NRCAM: variants seen among roughly 807,000 people sequenced by gnomAD.
NRCAM encodes the protein NgCAM-related cell adhesion molecule.
In NRCAM, 83 loss-of-function variants were observed where a neutral mutation model predicts 156.5. The observed-to-expected ratio is 0.53, with a 90% CI of 0.44 to 0.64. The LOEUF (loss-of-function observed/expected upper bound fraction) is 0.64, where lower values mean the gene tolerates loss of function less well. NRCAM is among the 30% of genes least tolerant of loss of function. The pLI is 0.00. For missense variants in NRCAM, 1,417 were observed against 1,597.3 expected (o/e 0.89, Z 1.92); for synonymous variants, 538 against 563.9 (o/e 0.95, Z 0.65).
chr7:108,180,039 T>C (rs2062644425), intron 25 of NRCAM, among the ~76,000 whole-genome samples, 184 bp downstream of exon 25: 1 of 152,354 alleles, frequency 6.6e-6, no homozygotes, highest in South Asian at 2.1e-4. Context: ...AAGCCTTCTA[T>C]GTACACTTAG....
At chr7:108,291,650 T>C (rs918985805) in intron 3 of NRCAM, among the ~76,000 whole-genome samples, 3 of 152,046 alleles carry the variant, frequency 2.0e-5, no homozygotes, top group Admixed American at 6.6e-5. Context: ...CTGAAACTAA[T>C]ATATCACCAC....
chr7:108,222,717 A>G (rs2153684515), intron 11 of NRCAM, among the ~76,000 whole-genome samples: 1 of 152,258 alleles, frequency 6.6e-6, no homozygotes, highest in South Asian at 2.1e-4. Flanking sequence ...TCCTGGATTC[A>G]GGAAGGAATG....
chr7:108,189,809 C>A, intron 19 of NRCAM, 63 bp from the exon 20 acceptor site: 1 of 708,282 alleles, frequency 1.4e-6, no homozygotes, highest in Non-Finnish European at 2.5e-6. Flanking sequence ...CTCCTTTACT[C>A]GTGATACTAT....
intron 3 of NRCAM, among the ~76,000 whole-genome samples, chr7:108,261,692 C>G (rs748452530): frequency 3.0e-4 from 45 of 152,170 alleles, no homozygotes; most frequent in Non-Finnish European, 5.9e-4. Flanking sequence ...CTGTAGACAC[C>G]TGTTTTCCTG....
intron 1 of NRCAM, among the ~76,000 whole-genome samples, chr7:108,446,587 C>T (rs566699170): frequency 6.6e-6 from 1 of 152,310 alleles, no homozygotes; most frequent in Non-Finnish European, 1.5e-5. Context: ...AGAAAGCTGA[C>T]TAAGATAAGC....
intron 2 of NRCAM, among the ~76,000 whole-genome samples, chr7:108,374,017 C>T (rs1304652081): frequency 6.6e-6 from 1 of 152,132 alleles, no homozygotes; most frequent in African/African-American, 2.4e-5. Context: ...ACACCCAGAC[C>T]AGAGACACAG....
intron 20 of NRCAM, among the ~76,000 whole-genome samples, chr7:108,189,002 C>G (rs181526372): frequency 6.6e-6 from 1 of 151,230 alleles, no homozygotes; most frequent in African/African-American, 2.4e-5. Context: ...AATTCAACTT[C>G]GAAGCTTACC....
intron 1 of NRCAM, among the ~76,000 whole-genome samples, chr7:108,430,910 G>GTT (rs1392328350): frequency 5.3e-5 from 8 of 152,114 alleles, no homozygotes; most frequent in Non-Finnish European, 1.2e-4. Flanking sequence ...ATACTGCACT[G>GTT]TAAGGTTTTG....
intron 1 of NRCAM, among the ~76,000 whole-genome samples, chr7:108,444,440 G>T (rs186990784): frequency 1.7e-4 from 26 of 152,088 alleles, no homozygotes; most frequent in African/African-American, 5.8e-4. Flanking sequence ...AGTTTGCCGG[G>T]GCTGCTGTAA....
intron 2 of NRCAM, among the ~76,000 whole-genome samples, chr7:108,377,056 T>C (rs1595671144): frequency 6.6e-6 from 1 of 152,032 alleles, no homozygotes; most frequent in East Asian, 1.9e-4. Context: ...CCTAGCTACT[T>C]GGAAGGCTGA....
intron 2 of NRCAM, among the ~76,000 whole-genome samples, chr7:108,340,148 CT>C (rs1367992504): frequency 2.6e-5 from 4 of 152,174 alleles, no homozygotes; most frequent in Admixed American, 6.5e-5. Context: ...CGGCATCCCC[CT>C]GACTCCTTCT....
chr7:108,447,071 T>C (rs988445845), intron 1 of NRCAM, among the ~76,000 whole-genome samples: 2 of 152,074 alleles, frequency 1.3e-5, no homozygotes, highest in African/African-American at 4.8e-5. Context: ...CCTTATTTGC[T>C]TAGGTTTCAC....
intron 22 of NRCAM, among the ~76,000 whole-genome samples, chr7:108,183,325 T>C (rs2064599407): frequency 6.6e-6 from 1 of 152,196 alleles, no homozygotes; most frequent in African/African-American, 2.4e-5. Context: ...AAAAAAAGGC[T>C]AGCCTGTCAT....
Position 108,337,772 on chromosome 7 carries a change from C to CCATCTTGGAAGCCGCCCGCCAG in NRCAM, c.-173-25042_-173-25041insCTGGCGGGCGGCTTCCAAGATG, listed in dbSNP as rs2099217321. 2.0e-5 allele frequency among the ~76,000 whole-genome samples: 3 copies of CCATCTTGGAAGCCGCCCGCCAG among 152,156 alleles called. No individual in the cohort carries two copies. In the South Asian group the frequency reaches 6.2e-4, roughly 32 times the overall value. The stretch of plus-strand genomic sequence containing the variant: ...CCACCATCTGGGAAGCGGCCTGCCA[C>CCATCTTGGAAGCCGCCCGCCAG]CATCTTGGAAGCCGCCCGCCACCAT... On this transcript the variant is annotated intron_variant, in intron 2 of 32. Transcript: ENST00000379028.
In NRCAM at chr7:108,312,709, C is replaced by T. The variant is rs980573240; in HGVS notation, c.-151G>A. 1 of 152,160 alleles carries T rather than the reference C, an allele frequency of 6.6e-6. No homozygotes were observed. The highest frequency in any genetic ancestry group is 2.4e-5 in the African/African-American group (1 of 41,438). 9.4% of individuals were successfully genotyped at this position (152,160 alleles called of 1,614,324 possible). A position where few individuals can be genotyped will look rare whatever the true frequency, so the allele number is the denominator to read the frequency against. On this transcript the variant is annotated 5_prime_UTR_variant, in exon 3 of 33. Transcript: ENST00000379028. ...TTGTTCTTCCTTTTAATTCTTTAAA[C>T]CAAACGTCTTCTTAGCATTGCTCTG... is the stretch of plus-strand genomic sequence containing the variant.
At chr7:108,175,222 T>G in intron 28 of NRCAM, 100 bp downstream of exon 28, 1 of 870,162 alleles carries the variant, frequency 1.1e-6, no homozygotes, top group Non-Finnish European at 1.7e-6. Flanking sequence ...CTTTTGGTGG[T>G]TCAAAGCATA....
chr7:108,168,492 G>A (rs1448120708), intron 28 of NRCAM, 90 bp from the exon 29 acceptor site: 3 of 1,139,408 alleles, frequency 2.6e-6, no homozygotes, highest in Admixed American at 3.5e-5. Context: ...CTGAAATTGT[G>A]CAAATAGAAT....
At chr7:108,400,392 A>C (rs191510783) in intron 1 of NRCAM, among the ~76,000 whole-genome samples, 2 of 152,336 alleles carry the variant, frequency 1.3e-5, no homozygotes, top group East Asian at 3.9e-4. Flanking sequence ...CACTAACAGT[A>C]TGGCCTTGGG....
chr7:108,156,103 TA>T (rs2045308589), intron 32 of NRCAM, among the ~76,000 whole-genome samples: 1 of 152,126 alleles, frequency 6.6e-6, no homozygotes, highest in African/African-American at 2.4e-5. Context: ...ACCCACTCGC[TA>T]AAAGTCCATT....
Sources: gnomAD v4.1 joint callset for allele counts (sites outside exome capture counted in the v4.1 genomes callset) on GRCh38, gnomAD v4.1.1 for gene constraint, MANE v1.5 for transcripts, NCBI Gene and HGNC (gene_info 2026-07-23, HGNC 2026-07-21) for gene names.